The following APOBEC2 variants were observed in gnomAD, a reference collection of about 807,000 sequenced individuals.
APOBEC2 encodes the protein apolipoprotein B mRNA editing enzyme catalytic subunit 2.
APOBEC2 carries 14 observed loss-of-function variants against 19.4 expected under a neutral mutation model. That is an observed-to-expected ratio of 0.72 (90% CI 0.48 to 1.13). The LOEUF is 1.13. Among genes scored for constraint, APOBEC2 ranks in the 50% most tolerant of loss-of-function variants. The probability of loss-of-function intolerance (pLI) is 0.00; values close to 1 mark genes in which losing one functional copy is unlikely to be tolerated. For synonymous variants in APOBEC2, 127 were observed against 112.1 expected, an observed-to-expected ratio of 1.13 and a Z score of -0.84; for missense variants, 304 against 277.0, an observed-to-expected ratio of 1.10 and a Z score of -0.69.
rs1057401487 is a variant in APOBEC2 at position 41,064,132 on chromosome 6, A to T, written c.*53A>T. 1.3e-5 allele frequency: 2 copies of T among 152,610 alleles called. No individual in the cohort carries two copies. The highest frequency in any genetic ancestry group is 2.9e-5 in the Non-Finnish European group (2 of 68,048). 9.5% of individuals were successfully genotyped at this position (152,610 alleles called of 1,614,324 possible). On this transcript the variant is annotated 3_prime_UTR_variant, in exon 3 of 3. Transcript: ENST00000244669. ...CTGCTGCCACCAAGAGACAGCAATG[A>T]CATGTACAGCCATCTGGGACATGCC...
chr6:41,061,037 A>G (rs1317723508), intron 1 of APOBEC2, among the ~76,000 whole-genome samples: 1 of 151,634 alleles, frequency 6.6e-6, no homozygotes, highest in African/African-American at 2.4e-5. Context: ...TTAGAAATGT[A>G]GGGGTATGTT....
chr6:41,053,285 G>A lies in APOBEC2; in HGVS notation c.-63G>A. 1 of 1,574,316 alleles carries A rather than the reference G, an allele frequency of 6.4e-7. No homozygotes were observed. Among genetic ancestry groups the A allele is most frequent in the South Asian group, 1.1e-5 (1 of 87,180 alleles). On this transcript the variant is annotated 5_prime_UTR_variant, in exon 1 of 3. Coordinates refer to ENST00000244669, the MANE Select transcript of APOBEC2 (RefSeq NM_006789.4). ...AGCTGCTTGGGACTCTGCCGCCAGG[G>A]CCTGGCCCAGACCTGCCTGCCTCTC... is the stretch of plus-strand genomic sequence containing the variant.
chr6:41,063,617 T>C (rs986517548), intron 2 of APOBEC2, among the ~76,000 whole-genome samples: 1 of 147,614 alleles, frequency 6.8e-6, no homozygotes, highest in African/African-American at 2.5e-5. Flanking sequence ...TGTCTTCTAT[T>C]TGAATTGCTC....
intron 1 of APOBEC2, among the ~76,000 whole-genome samples, chr6:41,060,012 A>G (rs1352771627): frequency 6.6e-6 from 1 of 152,210 alleles, no homozygotes; most frequent in African/African-American, 2.4e-5. Flanking sequence ...CTCTCCTATT[A>G]AAAATTCATT....
rs1198839419 is a variant in APOBEC2, at chr6:41,061,719, A to C, written c.523A>C (p.Lys175Gln). 1 of 1,614,230 alleles carries C rather than the reference A, an allele frequency of 6.2e-7. No individual in the cohort carries two copies. Among genetic ancestry groups the C allele is most frequent in the Admixed American group, 1.7e-5 (1 of 60,028 alleles). ...ALKKLKEAGCKLRIMKPQDFE... is the reference protein window; with the variant it reads ...ALKKLKEAGCQLRIMKPQDFE... ...GAAGAAGCTGAAGGAGGCTGGCTGT[A>C]AACTGCGCATCATGAAGCCCCAGGA... Residue 175 changes from lysine to glutamine, a missense_variant, in exon 2 of 3, where the codon AAA becomes CAA. Lys to Gln is a moderately conservative substitution (Grantham distance 53, BLOSUM62 1). Transcript: ENST00000244669.
rs563346640 is a variant in APOBEC2, at chr6:41,061,385, C to T, written c.189C>T (p.Ser63=). ...KFQFRNVEYS[S]GRNKTFLCYV... ...AGTTCCGGAATGTGGAGTACAGTTC[C>T]GGGAGGAACAAGACCTTCCTCTGCT... Residue 63 remains serine, a synonymous_variant, in exon 2 of 3, where the codon TCC becomes TCT. Coordinates refer to ENST00000244669, the MANE Select transcript of APOBEC2 (RefSeq NM_006789.4). 32 of 1,584,146 alleles carry T rather than the reference C, an allele frequency of 2.0e-5. No individual in the cohort carries two copies. In the Admixed American group the frequency reaches 2.3e-4, roughly 12 times the overall value.
At chr6:41,060,379 A>T (rs929178564) in intron 1 of APOBEC2, among the ~76,000 whole-genome samples, 1 of 152,250 alleles carries the variant, frequency 6.6e-6, no homozygotes, top group Non-Finnish European at 1.5e-5. Flanking sequence ...AAGAACCTGT[A>T]ACAATTCTCT....
chr6:41,062,116 C>CT (rs1489610679), intron 2 of APOBEC2, among the ~76,000 whole-genome samples: 1 of 152,214 alleles, frequency 6.6e-6, no homozygotes, highest in African/African-American at 2.4e-5. Context: ...TTTCCCCTAA[C>CT]TTAGAATACT....
At chr6:41,058,550 T>C (rs745334902) in intron 1 of APOBEC2, among the ~76,000 whole-genome samples, 11 of 152,206 alleles carry the variant, frequency 7.2e-5, no homozygotes, top group Non-Finnish European at 1.3e-4. Flanking sequence ...CTGGTGATGA[T>C]TTAACAAGTT....
chr6:41,056,957 G>A lies in APOBEC2; in HGVS notation c.131+3479G>A, dbSNP rs377088619. Among the ~76,000 whole-genome samples the A allele has an allele frequency of 5.3e-5, 8 of 152,290 alleles. No individual in the cohort carries two copies. The South Asian group carries it at 8.3e-4, about 16-fold the overall frequency. ...ACGTTTTAGTAGAGCTCTGGGGCAC[G>A]AGAGCTGGTTGTCTCCCCAGCTTTC... On this transcript the variant is annotated intron_variant, in intron 1 of 2. Coordinates refer to ENST00000244669, the MANE Select transcript of APOBEC2 (RefSeq NM_006789.4).
At chr6:41,062,899 A>T (rs992270678) in intron 2 of APOBEC2, among the ~76,000 whole-genome samples, 1 of 152,166 alleles carries the variant, frequency 6.6e-6, no homozygotes, top group East Asian at 1.9e-4. Context: ...GCAAGGCCCC[A>T]GTTACTGATC....
At chr6:41,055,481 T>C (rs1312845016) in intron 1 of APOBEC2, among the ~76,000 whole-genome samples, 1 of 152,106 alleles carries the variant, frequency 6.6e-6, no homozygotes, top group Non-Finnish European at 1.5e-5. Context: ...AGGGAATAGC[T>C]TTCCTCTCCT....
chr6:41,060,098 TC>T lies in APOBEC2; in HGVS notation c.132-1229del, dbSNP rs373365659. ...CACATACACATAAAAGTAAAAACAA[TC>T]TTCAACTCTGATGTCTTCTCTGGCC... On this transcript the variant is annotated intron_variant, in intron 1 of 2. Coordinates refer to ENST00000244669, the MANE Select transcript of APOBEC2 (RefSeq NM_006789.4). 2.6e-5 allele frequency among the ~76,000 whole-genome samples: 4 copies of T among 152,164 alleles called. 1 individual carries two copies. The East Asian group carries it at 7.7e-4, about 29-fold the overall frequency.
At chr6:41,063,896 A>G (rs1762915989) in intron 2 of APOBEC2, among the ~76,000 whole-genome samples, 1 of 151,766 alleles carries the variant, frequency 6.6e-6, no homozygotes, top group South Asian at 2.1e-4. Flanking sequence ...TTCTGTGTAA[A>G]CCACATCAAA....
At position 41,061,356 on chromosome 6, in the gene APOBEC2, T is replaced by C. The variant is rs1466340298; in HGVS notation, c.160T>C (p.Phe54Leu). The C allele has an allele frequency of 2.0e-6, 3 of 1,532,640 alleles. No individual in the cohort carries two copies. Among genetic ancestry groups the C allele is most frequent in the Non-Finnish European group, 2.6e-6 (3 of 1,141,304 alleles). 94.9% of individuals were successfully genotyped at this position (1,532,640 alleles called of 1,614,324 possible). Reference protein sequence around the residue: ...GERLPANFFKFQFRNVEYSSG... With the variant: ...GERLPANFFKLQFRNVEYSSG... ...ACGGCTGCCTGCCAACTTCTTTAAATTCCAGTTCCGGAATGTGGAGTACAG... is the reference window on the plus strand; with the variant it reads ...ACGGCTGCCTGCCAACTTCTTTAAACTCCAGTTCCGGAATGTGGAGTACAG... Residue 54 changes from phenylalanine (F) to leucine (L), a missense_variant, in exon 2 of 3, where the codon TTC (phenylalanine) becomes CTC (leucine). Transcript: ENST00000244669.
At chr6:41,054,173 G>A (rs1294754243) in intron 1 of APOBEC2, among the ~76,000 whole-genome samples, 1 of 152,260 alleles carries the variant, frequency 6.6e-6, no homozygotes, top group Non-Finnish European at 1.5e-5. Context: ...TCTACAGACT[G>A]CAAGGAGGGG....
rs761629533 is a variant in APOBEC2, at chr6:41,061,725, C to A, written c.529C>A (p.Arg177Ser). The change falls in exon 2 of 3, where the codon CGC becomes AGC. Residue 177 changes from arginine to serine, a missense_variant. Physicochemically the swap from Arg to Ser is moderately radical, Grantham distance 110 (BLOSUM62 -1). Transcript: ENST00000244669. Reference protein sequence around the residue: ...KKLKEAGCKLRIMKPQDFEYV... With the variant: ...KKLKEAGCKLSIMKPQDFEYV... ...GCTGAAGGAGGCTGGCTGTAAACTGCGCATCATGAAGCCCCAGGACTTCGA... is the reference window on the plus strand; with the variant it reads ...GCTGAAGGAGGCTGGCTGTAAACTGAGCATCATGAAGCCCCAGGACTTCGA... The A allele has an allele frequency of 6.2e-7, 1 of 1,614,222 alleles. No homozygotes were observed. The highest frequency in any genetic ancestry group is 8.5e-7 in the Non-Finnish European group (1 of 1,180,050).
intron 2 of APOBEC2, among the ~76,000 whole-genome samples, chr6:41,063,698 A>G (rs1293436895): frequency 3.3e-5 from 5 of 150,316 alleles, no homozygotes; most frequent in Non-Finnish European, 7.4e-5. Flanking sequence ...TAAGAGTGTA[A>G]TCTAAAAGCC....
rs1762755596 is a variant in APOBEC2, at chr6:41,053,417, C to T, written c.70C>T (p.Leu24=). ...ASQNGEDLEN[L]DDPEKLKELI... ...CCAGAATGGGGAGGATCTGGAGAAC[C>T]TGGACGACCCTGAGAAGCTGAAAGA... Residue 24 remains leucine (L), a synonymous_variant, in exon 1 of 3, where the codon CTG becomes TTG. Coordinates refer to ENST00000244669, the MANE Select transcript of APOBEC2 (RefSeq NM_006789.4). 1.9e-6 allele frequency: 3 copies of T among 1,614,082 alleles called. No individual in the cohort carries two copies. The South Asian group carries it at 3.3e-5, about 18-fold the overall frequency.
Sources: allele counts gnomAD v4.1 joint callset (sites outside exome capture counted in the v4.1 genomes callset), GRCh38; gene constraint gnomAD v4.1.1; transcripts MANE v1.5; gene names NCBI Gene and HGNC (gene_info 2026-07-23, HGNC 2026-07-21).